Variants in IP6K2 observed in about 807,000 individuals in gnomAD.
IP6K2 encodes the protein ATP:1D-myo-inositol-hexakisphosphate phosphotransferase.
IP6K2 carries 9 observed loss-of-function variants against 43.3 expected under a neutral mutation model. That is an observed-to-expected ratio of 0.21 (90% CI 0.13 to 0.36). The LOEUF (loss-of-function observed/expected upper bound fraction) is 0.36. Ranked by LOEUF, IP6K2 falls within the 10% of genes least tolerant of loss-of-function variation. The pLI, the probability that IP6K2 is intolerant of heterozygous loss-of-function variation, is 1.00. For missense variants in IP6K2, 332 were observed against 538.4 expected (o/e 0.62, Z 3.79); for synonymous variants, 209 against 202.4 (o/e 1.03, Z -0.28).
intron 2 of IP6K2, chr3:48,693,550 T>C (rs1379991772): frequency 8.3e-7 from 1 of 1,201,742 alleles, no homozygotes; most frequent in Admixed American, 3.9e-5. Flanking sequence ...TTTAATGCCC[T>C]AAACAGAAAC....
intron 1 of IP6K2, among the ~76,000 whole-genome samples, chr3:48,715,782 C>A (rs1307371148): frequency 6.8e-6 from 1 of 146,342 alleles, no homozygotes; most frequent in Non-Finnish European, 1.5e-5. Context: ...AACTGCTGGG[C>A]TCAAGTGATT....
intron 1 of IP6K2, among the ~76,000 whole-genome samples, chr3:48,703,583 G>T (rs2079323259): frequency 6.6e-6 from 1 of 151,732 alleles, no homozygotes; most frequent in East Asian, 1.9e-4. Context: ...CAGGCATGGT[G>T]GCAGGGGCCT....
intron 2 of IP6K2, chr3:48,693,937 G>A: frequency 1.5e-6 from 2 of 1,350,334 alleles, no homozygotes; most frequent in Non-Finnish European, 1.9e-6. Context: ...GACAGTCTTT[G>A]AGGATGGGGC....
chr3:48,691,554 G>A (rs2077779651), intron 3 of IP6K2, 72 bp from the exon 4 acceptor site: 2 of 1,172,660 alleles, frequency 1.7e-6, no homozygotes, highest in East Asian at 2.4e-5. Context: ...GGTGGCTCAT[G>A]CCTGTAATCC....
At chr3:48,693,983 CGCCTTA>C in intron 2 of IP6K2, 5 of 1,370,554 alleles carry the variant, frequency 3.6e-6, no homozygotes, top group Admixed American at 3.6e-5. Context: ...TGCCGACGAG[CGCCTTA>C]CAAACGACTG....
chr3:48,689,352 C>G (rs1161558728), intron 5 of IP6K2, among the ~76,000 whole-genome samples, 186 bp downstream of exon 5: 1 of 152,156 alleles, frequency 6.6e-6, no homozygotes, highest in African/African-American at 2.4e-5. Flanking sequence ...AGGGTTTCGC[C>G]ATGTTGCCTG....
At position 48,707,465 on chromosome 3, in the gene IP6K2, G is replaced by A. The variant is rs1468393738; in HGVS notation, c.-131+9692C>T. 3.3e-5 allele frequency among the ~76,000 whole-genome samples: 5 copies of A among 152,042 alleles called. No homozygotes were observed. The East Asian group carries it at 5.8e-4, about 18-fold the overall frequency. Reference sequence around the variant, plus strand: ...ATTTTATCTTTTGAGATGGAGTTTCGCTCTTGTTGCCCAGGCTGGAGTGCA... The same window carrying A: ...ATTTTATCTTTTGAGATGGAGTTTCACTCTTGTTGCCCAGGCTGGAGTGCA... On this transcript the variant is annotated intron_variant, in intron 1 of 5. Transcript: ENST00000328631.
At chr3:48,693,984 G>GATT in intron 2 of IP6K2, 1 of 1,373,218 alleles carries the variant, frequency 7.3e-7, no homozygotes, top group Non-Finnish European at 9.4e-7. Context: ...GCCGACGAGC[G>GATT]CCTTACAAAC....
chr3:48,700,564 C>T (rs892499729), intron 1 of IP6K2, among the ~76,000 whole-genome samples: 1 of 152,208 alleles, frequency 6.6e-6, no homozygotes, highest in African/African-American at 2.4e-5. Flanking sequence ...CACAGAACAT[C>T]CATCCTAGCA....
intron 1 of IP6K2, among the ~76,000 whole-genome samples, chr3:48,716,030 A>C (rs1403875568): frequency 6.6e-6 from 1 of 152,186 alleles, no homozygotes; most frequent in Non-Finnish European, 1.5e-5. Flanking sequence ...CTAAAGTTAA[A>C]ACAACACCCT....
At chr3:48,697,488 A>ATTTT (rs35746542) in intron 1 of IP6K2, among the ~76,000 whole-genome samples, 3 of 64,324 alleles carry the variant, frequency 4.7e-5, no homozygotes, top group South Asian at 7.1e-4. Flanking sequence ...ATGCCTGGCT[A>ATTTT]TTTTTTTTTT....
chr3:48,694,911 G>A (rs1453163509), intron 2 of IP6K2, 179 bp downstream of exon 2: 2 of 1,545,004 alleles, frequency 1.3e-6, no homozygotes, highest in African/African-American at 1.4e-5. Flanking sequence ...ACCAGGGATT[G>A]AAAACTGAGG....
At chr3:48,709,358 T>C (rs2080206665) in intron 1 of IP6K2, among the ~76,000 whole-genome samples, 1 of 152,186 alleles carries the variant, frequency 6.6e-6, no homozygotes, top group African/African-American at 2.4e-5. Context: ...ACTCTGACAA[T>C]TTCCTCTGGG....
intron 1 of IP6K2, among the ~76,000 whole-genome samples, chr3:48,706,578 G>C (rs1031354848): frequency 1.3e-5 from 2 of 151,982 alleles, no homozygotes; most frequent in Admixed American, 1.3e-4. Context: ...GGCCAGGTGC[G>C]GTGGCTCAGG....
At chr3:48,715,272 C>T in intron 1 of IP6K2, 1 of 1,535,652 alleles carries the variant, frequency 6.5e-7, no homozygotes, top group Non-Finnish European at 8.7e-7. Context: ...AAATTCTTCC[C>T]CAGTGCATCC....
At position 48,688,255 on chromosome 3, in the gene IP6K2, C is replaced by T; in HGVS notation, c.*18G>A. 1 of 1,609,996 alleles carries T rather than the reference C, an allele frequency of 6.2e-7. No individual in the cohort carries two copies. The highest frequency in any genetic ancestry group is 1.1e-5 in the South Asian group (1 of 90,888). ...TGGGACACAGAGTCGCTCTCAAGTA[C>T]TGGAGCAGCTAGCAAGCTCACTCCC... On this transcript the variant is annotated 3_prime_UTR_variant, in exon 6 of 6. Coordinates refer to ENST00000328631, the MANE Select transcript of IP6K2 (RefSeq NM_016291.4). This position sits in a 1 kb window ranked among gnomAD's most constrained non-coding sequence, Gnocchi z 5.1.
At position 48,691,399 on chromosome 3, in the gene IP6K2, G is replaced by T. The variant is rs1263313425; in HGVS notation, c.512C>A (p.Ser171Tyr). ...YTVEKKGNIS[S>Y]QLKHYNPWSM... ...CCAAGGGTTATAGTGTTTAAGCTGG[G>T]AACTTATATTCCCCTTCTTCTCTAC... The change falls in exon 4 of 6, where the codon TCC becomes TAC. Residue 171 changes from serine (S) to tyrosine (Y), a missense_variant. Coordinates refer to ENST00000328631, the MANE Select transcript of IP6K2 (RefSeq NM_016291.4). The T allele has an allele frequency of 3.1e-6, 5 of 1,613,006 alleles. No individual in the cohort carries two copies. Among genetic ancestry groups the T allele is most frequent in the South Asian group, 1.1e-5 (1 of 91,060 alleles).
At chr3:48,707,686 C>G (rs534588880) in intron 1 of IP6K2, among the ~76,000 whole-genome samples, 2 of 152,314 alleles carry the variant, frequency 1.3e-5, no homozygotes, top group South Asian at 4.1e-4. Context: ...GATCCGCCCC[C>G]CTTGGCCTCC....
Position 48,693,002 on chromosome 3 carries a change from G to A in IP6K2, c.380C>T (p.Thr127Ile), listed in dbSNP as rs1575604770. The change falls in exon 3 of 6, where the codon ACC becomes ATC. Residue 127 changes from threonine (T) to isoleucine (I), a missense_variant. Coordinates refer to ENST00000328631, the MANE Select transcript of IP6K2 (RefSeq NM_016291.4). ...GTGCTGACGCACCCAGTCCTTAGGG[G>A]TCTTTTCTGTTTCTAAGACATGATG... ...KKHHVLETEK[T>I]PKDWVRQHRK... The A allele has an allele frequency of 6.2e-7, 1 of 1,614,190 alleles. No individual in the cohort carries two copies. Among genetic ancestry groups the A allele is most frequent in the Non-Finnish European group, 8.5e-7 (1 of 1,180,024 alleles).
Sources: allele counts gnomAD v4.1 joint callset (sites outside exome capture counted in the v4.1 genomes callset), GRCh38; gene constraint gnomAD v4.1.1; non-coding constraint Gnocchi (gnomAD v3.1); transcripts MANE v1.5; gene names NCBI Gene and HGNC (gene_info 2026-07-23, HGNC 2026-07-21).